The following MLYCD variants were observed in gnomAD, a reference collection of about 807,000 sequenced individuals.
MLYCD encodes malonyl-CoA decarboxylase.
A neutral mutation model predicts 35.8 loss-of-function variants in MLYCD; 27 were observed. The ratio of observed to expected loss-of-function variants is 0.75; its 90% confidence interval spans 0.56 to 1.04. The LOEUF (loss-of-function observed/expected upper bound fraction) is 1.04. Among genes scored for constraint, MLYCD ranks in the 50% least tolerant of loss-of-function variants. The probability of loss-of-function intolerance (pLI) is 0.00; values close to 1 mark genes in which losing one functional copy is unlikely to be tolerated. For synonymous variants in MLYCD, 403 were observed against 302.4 expected, an observed-to-expected ratio of 1.33 and a Z score of -3.45; for missense variants, 917 against 665.1, an observed-to-expected ratio of 1.38 and a Z score of -4.17.
intron 4 of MLYCD, chr16:83,914,749 A>T: frequency 1.5e-6 from 1 of 673,552 alleles, no homozygotes; most frequent in Non-Finnish European, 2.5e-6. Context: ...ACTGCACTCC[A>T]GCTAGGGCAA....
At position 83,923,065 on chromosome 16, in the gene MLYCD, GTC is replaced by G; in HGVS notation, c.*7582_*7583del. The G allele has an allele frequency of 6.6e-6, 1 of 152,390 alleles. No individual in the cohort carries two copies. Among genetic ancestry groups the G allele is most frequent in the African/African-American group, 2.4e-5 (1 of 41,564 alleles). 9.4% of individuals were successfully genotyped at this position (152,390 alleles called of 1,614,324 possible). A position where few individuals can be genotyped will look rare whatever the true frequency, so the allele number is the denominator to read the frequency against. ...CCTGTGGTCACTCTGAGGCCTCTCT[GTC>G]TCTCTGTGTCTTTCTCTTTCTACCC... On this transcript the variant is annotated 3_prime_UTR_variant, in exon 5 of 5. Coordinates refer to ENST00000262430, the MANE Select transcript of MLYCD (RefSeq NM_012213.3).
chr16:83,899,435 G>A lies in MLYCD; in HGVS notation c.291G>A (p.Val97=), dbSNP rs1419193417. 1.3e-6 allele frequency: 2 copies of A among 1,517,484 alleles called. No individual in the cohort carries two copies. The highest frequency in any genetic ancestry group is 1.8e-6 in the Non-Finnish European group (2 of 1,142,478). The allele number at this position is 1,517,484 out of a possible 1,614,324, so 94.0% of individuals were successfully genotyped here. A position where few individuals can be genotyped will look rare whatever the true frequency, so the allele number is the denominator to read the frequency against. The change falls in exon 1 of 5, where the codon GTG becomes GTA. Residue 97 remains valine, a synonymous_variant. Coordinates refer to ENST00000262430, the MANE Select transcript of MLYCD (RefSeq NM_012213.3). ...GCCGCCTGGCGCGGGGCTTCGGCGT[G>A]GACCACGGCCAGGTGGCGGAGCAGA... ...LLGRLARGFG[V]DHGQVAEQSA...
In MLYCD at chr16:83,923,857, G is replaced by C. The variant is rs1475532650; in HGVS notation, c.*8368G>C. 1.3e-5 allele frequency: 2 copies of C among 152,634 alleles called. No individual in the cohort carries two copies. The highest frequency in any genetic ancestry group is 4.8e-5 in the African/African-American group (2 of 41,454). 9.5% of individuals were successfully genotyped at this position (152,634 alleles called of 1,614,324 possible). On this transcript the variant is annotated 3_prime_UTR_variant, in exon 5 of 5. Coordinates refer to ENST00000262430, the MANE Select transcript of MLYCD (RefSeq NM_012213.3). ...AGTGGGCAGAACAGAGTGGGCCGCAGGTTTTGGCAAGCCTGGAGGGGAATA... is the reference window on the plus strand; with the variant it reads ...AGTGGGCAGAACAGAGTGGGCCGCACGTTTTGGCAAGCCTGGAGGGGAATA...
chr16:83,914,789 AAAAG>A, intron 4 of MLYCD, 163 bp from the exon 5 acceptor site: 3 of 1,049,706 alleles, frequency 2.9e-6, no homozygotes, highest in Non-Finnish European at 4.2e-6. Context: ...TAAGAGGAAA[AAAAG>A]AAAAGCTGCT....
In MLYCD at chr16:83,912,245, G is replaced by A. The variant is rs774327640; in HGVS notation, c.826G>A (p.Glu276Lys). The change falls in exon 4 of 5, where the codon GAA becomes AAA. Residue 276 changes from glutamate to lysine, a missense_variant. By Grantham distance (56) the Glu-to-Lys change is moderately conservative. Transcript: ENST00000262430. ...AATCGTGAAGGAACATCCTCCATCA[G>A]AAACAGAAGAGAAGAACAAAATCAC... is the stretch of plus-strand genomic sequence containing the variant. ...QAIVKEHPPS[E>K]TEEKNKITAA... 4 of 1,614,192 alleles carry A rather than the reference G, an allele frequency of 2.5e-6. No homozygotes were observed. In the African/African-American group the frequency reaches 5.3e-5, roughly 22 times the overall value.
Position 83,923,535 on chromosome 16 carries a change from G to C in MLYCD, c.*8046G>C, listed in dbSNP as rs923804545. On this transcript the variant is annotated 3_prime_UTR_variant, in exon 5 of 5. Transcript: ENST00000262430. ...TAGTTCTTGATCATTGAGGAAGGCA[G>C]AGAGAAACGAGATTCTCTGCTCTGG... 1 of 152,252 alleles carries C rather than the reference G, an allele frequency of 6.6e-6. No homozygotes were observed. The highest frequency in any genetic ancestry group is 1.5e-5 in the Non-Finnish European group (1 of 68,048). The allele number at this position is 152,252 out of a possible 1,614,324, so 9.4% of individuals were successfully genotyped here.
chr16:83,907,227 C>A, intron 2 of MLYCD, 128 bp downstream of exon 2: 1 of 858,622 alleles, frequency 1.2e-6, no homozygotes, highest in Non-Finnish European at 1.9e-6. Flanking sequence ...TAATAAAATC[C>A]AAACACAGTA....
rs1387944984 is a variant in MLYCD, at chr16:83,919,979, C to T, written c.*4490C>T. 6.6e-6 allele frequency: 1 copy of T among 151,054 alleles called. No homozygotes were observed. Among genetic ancestry groups the T allele is most frequent in the Non-Finnish European group, 1.5e-5 (1 of 68,428 alleles). 9.4% of individuals were successfully genotyped at this position (151,054 alleles called of 1,614,324 possible). A position where few individuals can be genotyped will look rare whatever the true frequency, so the allele number is the denominator to read the frequency against. On this transcript the variant is annotated 3_prime_UTR_variant, in exon 5 of 5. Transcript: ENST00000262430. ...GCAATTCACAGGACACAACAGAACACACGCAGTGCACAGGACACAACAGAA... is the reference window on the plus strand; with the variant it reads ...GCAATTCACAGGACACAACAGAACATACGCAGTGCACAGGACACAACAGAA...
In MLYCD at chr16:83,899,677, G is replaced by T. The variant is rs1182022007; in HGVS notation, c.528+5G>T. ...GTGGAGGGGCCGGACGTCCGGGTAA[G>T]GGGCCGCCGTCGATCCCCCGGCAGC... On this transcript the variant is annotated splice_donor_5th_base_variant and intron_variant, in intron 1 of 4. Transcript: ENST00000262430. 1.3e-6 allele frequency: 2 copies of T among 1,516,626 alleles called. No individual in the cohort carries two copies. Among genetic ancestry groups the T allele is most frequent in the Admixed American group, 2.0e-5 (1 of 49,892 alleles). 93.9% of individuals were successfully genotyped at this position (1,516,626 alleles called of 1,614,324 possible). A position where few individuals can be genotyped will look rare whatever the true frequency, so the allele number is the denominator to read the frequency against.
rs988612844 is a variant in MLYCD at position 83,920,144 on chromosome 16, C to A, written c.*4655C>A. 6.6e-6 allele frequency: 1 copy of A among 152,112 alleles called. No individual in the cohort carries two copies. The highest frequency in any genetic ancestry group is 2.4e-5 in the African/African-American group (1 of 41,384). The allele number at this position is 152,112 out of a possible 1,614,324, so 9.4% of individuals were successfully genotyped here. On this transcript the variant is annotated 3_prime_UTR_variant, in exon 5 of 5. Transcript: ENST00000262430. Reference sequence around the variant, plus strand: ...GAACACCCGCAGTGCACAGGAGAACCTAGTGCACAGAACACACACCCTGTG... The same window carrying A: ...GAACACCCGCAGTGCACAGGAGAACATAGTGCACAGAACACACACCCTGTG...
rs1907433380 is a variant in MLYCD at position 83,917,048 on chromosome 16, C to A, written c.*1559C>A. Reference sequence around the variant, plus strand: ...CGTCTGTGTGCGTGTGCACAAGCGTCTCTGTGTGGATCAGTGCACGTCTGT... The same window carrying A: ...CGTCTGTGTGCGTGTGCACAAGCGTATCTGTGTGGATCAGTGCACGTCTGT... On this transcript the variant is annotated 3_prime_UTR_variant, in exon 5 of 5. Transcript: ENST00000262430. The A allele has an allele frequency of 8.9e-6, 1 of 111,906 alleles. No homozygotes were observed. The highest frequency in any genetic ancestry group is 9.0e-5 in the Admixed American group (1 of 11,096). The allele number at this position is 111,906 out of a possible 1,614,324, so 6.9% of individuals were successfully genotyped here.
rs1255711323 is a variant in MLYCD at position 83,899,420 on chromosome 16, G to T, written c.276G>T (p.Ala92=). 1.3e-6 allele frequency: 2 copies of T among 1,513,528 alleles called. No homozygotes were observed. Among genetic ancestry groups the T allele is most frequent in the Non-Finnish European group, 1.8e-6 (2 of 1,139,846 alleles). The allele number at this position is 1,513,528 out of a possible 1,614,324, so 93.8% of individuals were successfully genotyped here. A position where few individuals can be genotyped will look rare whatever the true frequency, so the allele number is the denominator to read the frequency against. The change falls in exon 1 of 5, where the codon GCG becomes GCT. Residue 92 remains alanine, a synonymous_variant. Coordinates refer to ENST00000262430, the MANE Select transcript of MLYCD (RefSeq NM_012213.3). Reference sequence around the variant, plus strand: ...GGGCCGAACTGCTGGGCCGCCTGGCGCGGGGCTTCGGCGTGGACCACGGCC... The same window carrying T: ...GGGCCGAACTGCTGGGCCGCCTGGCTCGGGGCTTCGGCGTGGACCACGGCC... ...AQRAELLGRL[A]RGFGVDHGQV...
rs1410123536 is a variant in MLYCD, at chr16:83,925,191, C to T, written c.*9702C>T. 6.5e-6 allele frequency: 1 copy of T among 152,776 alleles called. No homozygotes were observed. The highest frequency in any genetic ancestry group is 1.5e-5 in the Non-Finnish European group (1 of 68,474). 9.5% of individuals were successfully genotyped at this position (152,776 alleles called of 1,614,324 possible). On this transcript the variant is annotated 3_prime_UTR_variant, in exon 5 of 5. Transcript: ENST00000262430. ...GACACCCCATACCTGTGTGTTTCCC[C>T]TGCATAGCTCAGCAGCAGCTCAGGC...
chr16:83,906,263 C>T (rs1358930484), intron 1 of MLYCD, among the ~76,000 whole-genome samples: 2 of 151,882 alleles, frequency 1.3e-5, no homozygotes, highest in African/African-American at 4.8e-5. Flanking sequence ...TGGTGGCGCT[C>T]ACCTGCAGTC....
chr16:83,903,646 CAAT>C (rs2151055284), intron 1 of MLYCD, among the ~76,000 whole-genome samples: 1 of 152,274 alleles, frequency 6.6e-6, no homozygotes, highest in East Asian at 1.9e-4. Context: ...ATGGAATTAA[CAAT>C]ACACAATACA....
intron 4 of MLYCD, chr16:83,914,219 A>G (rs1253854075): frequency 6.5e-6 from 1 of 152,952 alleles, no homozygotes; most frequent in African/African-American, 2.4e-5. Flanking sequence ...ATCTCTATCT[A>G]GTTGGGACAA....
intron 1 of MLYCD, among the ~76,000 whole-genome samples, chr16:83,900,184 TCTCCATGGCTTCTGGCCTTGTCTGTG>T (rs2151053684): frequency 6.6e-6 from 1 of 152,000 alleles, no homozygotes; most frequent in East Asian, 1.9e-4. Context: ...CACCCAGGAG[TCTCCATGGCTTCTGGCCTTGTCTGTG>T]CTCCATGACT....
At chr16:83,901,820 G>A (rs553735188) in intron 1 of MLYCD, among the ~76,000 whole-genome samples, 2 of 152,236 alleles carry the variant, frequency 1.3e-5, no homozygotes, top group East Asian at 3.9e-4. Context: ...TTTTGACCAA[G>A]GCTATTTACA....
chr16:83,913,891 G>A (rs1907276721), intron 4 of MLYCD: 2 of 151,554 alleles, frequency 1.3e-5, no homozygotes, highest in South Asian at 4.2e-4. Flanking sequence ...ACATGGTGAG[G>A]AAAATCATAA....
Sources: allele counts gnomAD v4.1 joint callset (sites outside exome capture counted in the v4.1 genomes callset), GRCh38; gene constraint gnomAD v4.1.1; transcripts MANE v1.5; gene names NCBI Gene and HGNC (gene_info 2026-07-23, HGNC 2026-07-21).